The following FASTKD1 variants were observed in gnomAD, a reference collection of about 807,000 sequenced individuals.
FASTKD1 encodes the protein FAST kinase domains 1.
Under a neutral mutation model 90.9 loss-of-function variants are expected in FASTKD1, and 94 were observed. The observed-to-expected ratio is 1.03, with a 90% CI of 0.88 to 1.23. The LOEUF is 1.23. FASTKD1 is among the 50% of genes most tolerant of loss of function. The probability of loss-of-function intolerance (pLI) is 0.00; values close to 1 mark genes in which losing one functional copy is unlikely to be tolerated. For synonymous variants in FASTKD1, 319 were observed against 345.8 expected (o/e 0.92, Z 0.86); for missense variants, 945 against 993.5 (o/e 0.95, Z 0.66).
chr2:169,565,354 C>CCGAGTTCA (rs1207312740), intron 3 of FASTKD1, among the ~76,000 whole-genome samples: 1 of 149,650 alleles, frequency 6.7e-6, no homozygotes, highest in Non-Finnish European at 1.5e-5. Flanking sequence ...GCTCCGCCTC[C>CCGAGTTCA]CGAGTTCACG....
intron 12 of FASTKD1, chr2:169,531,749 C>A: frequency 3.0e-6 from 1 of 336,808 alleles, no homozygotes; most frequent in Non-Finnish European, 5.4e-6. Context: ...TAGCGCTGGG[C>A]TAGGCCAAAT....
At chr2:169,567,912 A>G (rs1684056787) in intron 3 of FASTKD1, among the ~76,000 whole-genome samples, 1 of 152,192 alleles carries the variant, frequency 6.6e-6, no homozygotes, top group African/African-American at 2.4e-5. Flanking sequence ...CAAAGTTTTC[A>G]GAAATAGATG....
At chr2:169,565,478 G>C (rs887736343) in intron 3 of FASTKD1, among the ~76,000 whole-genome samples, 5 of 150,968 alleles carry the variant, frequency 3.3e-5, no homozygotes, top group African/African-American at 1.2e-4. Flanking sequence ...TAGCCAGGAT[G>C]GTCTCGATCT....
intron 3 of FASTKD1, among the ~76,000 whole-genome samples, chr2:169,564,957 T>A (rs1232000381): frequency 6.7e-6 from 1 of 149,792 alleles, no homozygotes; most frequent in African/African-American, 2.5e-5. Context: ...TTTTTCTTTT[T>A]TTTTTTTTTT....
intron 12 of FASTKD1, among the ~76,000 whole-genome samples, chr2:169,536,214 CATT>C (rs1418174065): frequency 1.3e-5 from 2 of 152,116 alleles, no homozygotes; most frequent in Non-Finnish European, 2.9e-5. Context: ...ATCAAGTAGG[CATT>C]ATTATCCCCA....
At position 169,555,185 on chromosome 2, in the gene FASTKD1, A is replaced by G; in HGVS notation, c.1153T>C (p.Leu385=). ...TTCCTTTGGAAATGCAGAAAAGTTA[A>G]TTCTTGAGTTATCTTCAACAACTCT... ...PLELLKITQE[L]TFLHFQRKEF... Residue 385 remains leucine, a synonymous_variant, in exon 7 of 15, where the codon TTA becomes CTA. Transcript: ENST00000453153. The G allele has an allele frequency of 6.2e-7, 1 of 1,612,542 alleles. No homozygotes were observed. Among genetic ancestry groups the G allele is most frequent in the Non-Finnish European group, 8.5e-7 (1 of 1,179,054 alleles).
Position 169,549,132 on chromosome 2 carries a change from C to T in FASTKD1, c.1215-2428G>A, listed in dbSNP as rs111364028. ...ATAAATAGCTGGGCGTGGTGGCTCA[C>T]GCCTGTAATCCCATCCCTTTGGGAG... is the stretch of plus-strand genomic sequence containing the variant. On this transcript the variant is annotated intron_variant, in intron 7 of 14. Transcript: ENST00000453153. Among the ~76,000 whole-genome samples the T allele has an allele frequency of 1.8e-4, 27 of 151,468 alleles. No homozygotes were observed. The South Asian group carries it at 5.2e-3, about 29-fold the overall frequency.
chr2:169,555,262 A>C lies in FASTKD1; in HGVS notation c.1083-7T>G, dbSNP rs1683248359. 6.2e-7 allele frequency: 1 copy of C among 1,601,596 alleles called. No homozygotes were observed. Among genetic ancestry groups the C allele is most frequent in the Non-Finnish European group, 8.5e-7 (1 of 1,173,444 alleles). Reference sequence around the variant, plus strand: ...ATGCAGAACTGAAGTAACTCTAAAAAGGATAGAGCATATATTATAACCAGT... The same window carrying C: ...ATGCAGAACTGAAGTAACTCTAAAACGGATAGAGCATATATTATAACCAGT... On this transcript the variant is annotated splice_region_variant and splice_polypyrimidine_tract_variant and intron_variant, in intron 6 of 14. Transcript: ENST00000453153.
At chr2:169,530,022 A>T (rs1684411742) in intron 14 of FASTKD1, 96 bp from the exon 15 acceptor site, 2 of 819,430 alleles carry the variant, frequency 2.4e-6, no homozygotes, top group African/African-American at 1.8e-5. Flanking sequence ...AGCTGTAGGA[A>T]TCCTATGAAA....
In FASTKD1 at chr2:169,546,664, G is replaced by T. The variant is rs768025376; in HGVS notation, c.1255C>A (p.Leu419Met). The change falls in exon 8 of 15, where the codon CTG becomes ATG. Residue 419 changes from leucine (L) to methionine (M), a missense_variant. Leu to Met is a conservative substitution (Grantham distance 15). Transcript: ENST00000453153. ...NSFIPTEVSVLVRAISLLPSP... is the reference protein window; with the variant it reads ...NSFIPTEVSVMVRAISLLPSP... ...GGGAGCAGGGAAATAGCACGGACCA[G>T]AACAGACACCTCAGTTGGTATGAAA... 5 of 1,612,688 alleles carry T rather than the reference G, an allele frequency of 3.1e-6. No homozygotes were observed. The highest frequency in any genetic ancestry group is 4.2e-6 in the Non-Finnish European group (5 of 1,179,548).
intron 5 of FASTKD1, among the ~76,000 whole-genome samples, chr2:169,558,289 C>T (rs1027759252): frequency 1.3e-5 from 2 of 152,168 alleles, no homozygotes; most frequent in African/African-American, 4.8e-5. Flanking sequence ...GAGATGGAGT[C>T]TCACTCTGTT....
At position 169,554,979 on chromosome 2, in the gene FASTKD1, G is replaced by T. The variant is rs188428505; in HGVS notation, c.1214+145C>A. 5 of 692,378 alleles carry T rather than the reference G, an allele frequency of 7.2e-6. No individual in the cohort carries two copies. The East Asian group carries it at 1.5e-4, about 21-fold the overall frequency. 42.9% of individuals were successfully genotyped at this position (692,378 alleles called of 1,614,324 possible). ...GCATGGGCACTGGCAGAATGGCCAC[G>T]GAGGGAGATAGTGTCTTAACATTTT... On this transcript the variant is annotated intron_variant, in intron 7 of 14. Coordinates refer to ENST00000453153, the MANE Select transcript of FASTKD1 (RefSeq NM_024622.6).
Position 169,560,685 on chromosome 2 carries a change from A to T in FASTKD1, c.673T>A (p.Ser225Thr). ...KTELLFDTID[S>T]SEVNVAKSIA... ...CTTTTTGCAACGTTGACCTCAGAAG[A>T]ATCTATGGTGTCAAAAAGAAGTTCT... Residue 225 changes from serine to threonine, a missense_variant, in exon 5 of 15, where the codon TCT becomes ACT. Ser to Thr is a moderately conservative substitution (Grantham distance 58). Coordinates refer to ENST00000453153, the MANE Select transcript of FASTKD1 (RefSeq NM_024622.6). 1 of 1,611,128 alleles carries T rather than the reference A, an allele frequency of 6.2e-7. No individual in the cohort carries two copies. The highest frequency in any genetic ancestry group is 8.5e-7 in the Non-Finnish European group (1 of 1,179,216).
At chr2:169,546,081 C>T in intron 8 of FASTKD1, 137 bp downstream of exon 8, 1 of 906,662 alleles carries the variant, frequency 1.1e-6, no homozygotes, top group Non-Finnish European at 1.6e-6. Flanking sequence ...CAGGCTTGAG[C>T]TACCACATCT....
chr2:169,554,769 C>T (rs1359464488), intron 7 of FASTKD1, among the ~76,000 whole-genome samples: 1 of 152,148 alleles, frequency 6.6e-6, no homozygotes, highest in East Asian at 1.9e-4. Flanking sequence ...GAATGCAAGA[C>T]CGAAAGGCCC....
intron 3 of FASTKD1, among the ~76,000 whole-genome samples, chr2:169,565,484 G>A (rs1326787919): frequency 2.0e-5 from 3 of 151,074 alleles, no homozygotes; most frequent in Non-Finnish European, 2.9e-5. Context: ...GGATGGTCTC[G>A]ATCTCCTGAC....
chr2:169,563,670 G>A (rs1472389539), intron 3 of FASTKD1, among the ~76,000 whole-genome samples: 1 of 151,964 alleles, frequency 6.6e-6, no homozygotes, highest in Non-Finnish European at 1.5e-5. Flanking sequence ...TTTTTAATAG[G>A]AGAAATAATC....
intron 10 of FASTKD1, among the ~76,000 whole-genome samples, chr2:169,539,052 G>A (rs1222582845): frequency 6.6e-6 from 1 of 151,846 alleles, no homozygotes; most frequent in African/African-American, 2.4e-5. Context: ...CAGATCACTT[G>A]AGGTCAGGAG....
At chr2:169,540,993 A>G (rs1472898147) in intron 9 of FASTKD1, among the ~76,000 whole-genome samples, 1 of 152,232 alleles carries the variant, frequency 6.6e-6, no homozygotes, top group African/African-American at 2.4e-5. Flanking sequence ...AGGGTCACCT[A>G]AAATGCCTGA....
Sources: allele counts gnomAD v4.1 joint callset (sites outside exome capture counted in the v4.1 genomes callset), GRCh38; gene constraint gnomAD v4.1.1; transcripts MANE v1.5; gene names NCBI Gene and HGNC (gene_info 2026-07-23, HGNC 2026-07-21).